The following AP3S1 variants were observed in gnomAD, a reference collection of about 807,000 sequenced individuals.
AP3S1 encodes AP-3 complex subunit sigma-1.
AP3S1 carries 12 observed loss-of-function variants against 21.3 expected under a neutral mutation model. The observed-to-expected ratio is 0.56, with a 90% CI of 0.36 to 0.91. The LOEUF is 0.91. AP3S1 is among the 40% of genes least tolerant of loss of function. AP3S1 has a pLI of 0.01. For synonymous variants in AP3S1, 48 were observed against 78.4 expected, an observed-to-expected ratio of 0.61 and a Z score of 2.05; for missense variants, 116 against 225.0, an observed-to-expected ratio of 0.52 and a Z score of 3.10.
intron 4 of AP3S1, among the ~76,000 whole-genome samples, chr5:115,897,370 T>A (rs1056024005): frequency 6.6e-6 from 1 of 152,284 alleles, no homozygotes; most frequent in Admixed American, 6.5e-5. Flanking sequence ...GAGACAAAAG[T>A]TTTAGGATAC....
chr5:115,863,396 A>G (rs1199219946), intron 1 of AP3S1, among the ~76,000 whole-genome samples: 1 of 151,492 alleles, frequency 6.6e-6, no homozygotes, highest in African/African-American at 2.4e-5. Flanking sequence ...AACTATCTCG[A>G]AAAAAAATAA....
chr5:115,899,999 T>C (rs7708164), intron 4 of AP3S1, among the ~76,000 whole-genome samples: 61,261 of 151,820 alleles, frequency 0.4, 12,750 homozygotes, highest in African/African-American at 0.49. Context: ...ACAGTAGAGT[T>C]TCATATTTAA....
intron 3 of AP3S1, among the ~76,000 whole-genome samples, chr5:115,875,688 C>G (rs1748652391): frequency 6.6e-6 from 1 of 152,164 alleles, no homozygotes; most frequent in South Asian, 2.1e-4. Context: ...TCCAGGCACT[C>G]AAGTGAATGC....
intron 5 of AP3S1, among the ~76,000 whole-genome samples, chr5:115,909,604 T>G (rs948039879): frequency 1.3e-5 from 2 of 152,232 alleles, no homozygotes; most frequent in African/African-American, 2.4e-5. Context: ...CAGTTTTACC[T>G]GCCATGGTGG....
chr5:115,895,309 T>C (rs981697903), intron 4 of AP3S1, 151 bp downstream of exon 4: 2 of 542,382 alleles, frequency 3.7e-6, no homozygotes, highest in African/African-American at 3.9e-5. Flanking sequence ...GCTTTGTGCT[T>C]GGTGGAGAAG....
chr5:115,880,158 T>C (rs1246977965), intron 3 of AP3S1, among the ~76,000 whole-genome samples: 2 of 152,198 alleles, frequency 1.3e-5, no homozygotes, highest in Non-Finnish European at 2.9e-5. Context: ...AACCAGCTCC[T>C]GGAGTCATTG....
intron 4 of AP3S1, among the ~76,000 whole-genome samples, chr5:115,900,136 G>A (rs540831970): frequency 1.6e-4 from 24 of 152,180 alleles, no homozygotes; most frequent in African/African-American, 5.8e-4. Flanking sequence ...ATTTACTGAA[G>A]ACAAAGATGG....
intron 5 of AP3S1, among the ~76,000 whole-genome samples, chr5:115,910,127 C>T (rs946569170): frequency 8.6e-5 from 13 of 152,040 alleles, no homozygotes; most frequent in African/African-American, 2.4e-4. Context: ...ATTAGCTAGG[C>T]GTGGTGGGAC....
intron 1 of AP3S1, among the ~76,000 whole-genome samples, chr5:115,852,470 C>G (rs1044537420): frequency 6.6e-6 from 1 of 152,058 alleles, no homozygotes; most frequent in African/African-American, 2.4e-5. Flanking sequence ...TAAAATATAG[C>G]TCTCACATGC....
chr5:115,867,126 A>G (rs1763689382), intron 2 of AP3S1, among the ~76,000 whole-genome samples: 1 of 152,136 alleles, frequency 6.6e-6, no homozygotes, highest in Non-Finnish European at 1.5e-5. Context: ...AAAGTATGTT[A>G]TATGTGTTGA....
At chr5:115,899,119 G>T (rs1262243404) in intron 4 of AP3S1, among the ~76,000 whole-genome samples, 1 of 152,180 alleles carries the variant, frequency 6.6e-6, no homozygotes, top group South Asian at 2.1e-4. Context: ...GTAGAGATCT[G>T]ATCGGAGGCC....
intron 1 of AP3S1, among the ~76,000 whole-genome samples, chr5:115,843,782 C>G (rs1211653020): frequency 6.6e-6 from 1 of 152,186 alleles, no homozygotes; most frequent in African/African-American, 2.4e-5. Context: ...TATAATTTAA[C>G]TATCTATTGA....
chr5:115,869,783 A>AGTTTAATGAAT (rs1421769415), intron 2 of AP3S1, among the ~76,000 whole-genome samples: 1 of 152,236 alleles, frequency 6.6e-6, no homozygotes, highest in African/African-American at 2.4e-5. Context: ...CTCAGAGAAT[A>AGTTTAATGAAT]GTTTAATGAA....
intron 1 of AP3S1, 41 bp downstream of exon 1, chr5:115,842,147 G>C: frequency 2.0e-6 from 3 of 1,525,308 alleles, no homozygotes; most frequent in Non-Finnish European, 2.6e-6. Flanking sequence ...AGGGGGAGTC[G>C]TTGGCGACGG....
chr5:115,909,652 C>G (rs1046494225), intron 5 of AP3S1, among the ~76,000 whole-genome samples: 3 of 152,112 alleles, frequency 2.0e-5, no homozygotes, highest in African/African-American at 7.2e-5. Context: ...AGTTATTTCT[C>G]CAGTAGAATT....
intron 3 of AP3S1, among the ~76,000 whole-genome samples, chr5:115,893,851 GT>G: frequency 6.6e-6 from 1 of 152,176 alleles, no homozygotes; most frequent in South Asian, 2.1e-4. Context: ...ATTAATAGCT[GT>G]TCCTTTTTAC....
chr5:115,851,850 GT>G (rs2112783174), intron 1 of AP3S1, among the ~76,000 whole-genome samples: 1 of 152,154 alleles, frequency 6.6e-6, no homozygotes, highest in African/African-American at 2.4e-5. Flanking sequence ...TGTTGTTGTT[GT>G]TGTTGCTGGT....
intron 1 of AP3S1, among the ~76,000 whole-genome samples, chr5:115,848,116 A>G (rs1194531517): frequency 3.4e-5 from 5 of 147,854 alleles, no homozygotes; most frequent in Non-Finnish European, 7.4e-5. Context: ...TGGCTTTTCT[A>G]AAAGAAGGCC....
chr5:115,859,681 C>T (rs1561480939), intron 1 of AP3S1, among the ~76,000 whole-genome samples: 1 of 152,160 alleles, frequency 6.6e-6, no homozygotes, highest in African/African-American at 2.4e-5. Flanking sequence ...ATTGTGTGCC[C>T]TGGAAGTAAG....
Sources: gnomAD v4.1 joint callset for allele counts (sites outside exome capture counted in the v4.1 genomes callset) on GRCh38, gnomAD v4.1.1 for gene constraint, MANE v1.5 for transcripts, NCBI Gene and HGNC (gene_info 2026-07-23, HGNC 2026-07-21) for gene names.